TMEM243: variants seen among roughly 807,000 people sequenced by gnomAD.
The protein encoded by TMEM243 is MDR1 and mitochondrial taxol resistance associated.
A neutral mutation model predicts 15.0 loss-of-function variants in TMEM243; 20 were observed. The observed-to-expected ratio is 1.33, with a 90% CI of 0.94 to 1.93. TMEM243 has a LOEUF of 1.93. TMEM243 is among the 30% of genes most tolerant of loss of function. TMEM243 has a pLI of 0.00. For missense variants in TMEM243, 156 were observed against 142.1 expected (o/e 1.10, Z -0.50); for synonymous variants, 72 against 52.7 (o/e 1.37, Z -1.59).
At chr7:87,200,736 A>C (rs1377161906) in intron 1 of TMEM243, among the ~76,000 whole-genome samples, 1 of 152,208 alleles carries the variant, frequency 6.6e-6, no homozygotes, top group Non-Finnish European at 1.5e-5. Context: ...AGGCTCAGGG[A>C]AACTGAGAAC....
chr7:87,203,608 A>T (rs1240690789), intron 1 of TMEM243, among the ~76,000 whole-genome samples: 1 of 125,156 alleles, frequency 8.0e-6, no homozygotes, highest in Admixed American at 7.7e-5. Context: ...TGAGAATCTT[A>T]AAAAAAAAAA....
At chr7:87,197,863 C>T in intron 3 of TMEM243, 78 bp downstream of exon 3, 1 of 1,604,218 alleles carries the variant, frequency 6.2e-7, no homozygotes, top group African/African-American at 1.3e-5. Flanking sequence ...TTGTATAGAC[C>T]CAAGGCTGAA....
chr7:87,219,463 A>G lies in TMEM243; in HGVS notation c.41T>C (p.Leu14Pro). ...FATRTYGTSGLDNRPLFGETS... is the reference protein window; with the variant it reads ...FATRTYGTSGPDNRPLFGETS... ...CTCCCCAAACAGAGGTCTGTTGTCCAGGCCACTGGTGCCGTAGGTCCTGGT... is the reference window on the plus strand; with the variant it reads ...CTCCCCAAACAGAGGTCTGTTGTCCGGGCCACTGGTGCCGTAGGTCCTGGT... The change falls in exon 1 of 4, where the codon CTG becomes CCG. Residue 14 changes from leucine (L) to proline (P), a missense_variant. Leu to Pro is a moderately conservative substitution (Grantham distance 98). Transcript: ENST00000257637. The G allele has an allele frequency of 6.2e-7, 1 of 1,614,244 alleles. No individual in the cohort carries two copies. Among genetic ancestry groups the G allele is most frequent in the Non-Finnish European group, 8.5e-7 (1 of 1,180,024 alleles).
At chr7:87,205,628 A>AC (rs1477148505) in intron 1 of TMEM243, among the ~76,000 whole-genome samples, 1 of 152,126 alleles carries the variant, frequency 6.6e-6, no homozygotes, top group African/African-American at 2.4e-5. Flanking sequence ...AACAAGAGTC[A>AC]CCTTTACTCC....
chr7:87,204,496 A>C (rs1191591143), intron 1 of TMEM243, among the ~76,000 whole-genome samples: 1 of 152,130 alleles, frequency 6.6e-6, no homozygotes, highest in South Asian at 2.1e-4. Flanking sequence ...TTCCTAGATA[A>C]AATGGGGGTA....
At chr7:87,201,258 C>T (rs1285247485) in intron 1 of TMEM243, among the ~76,000 whole-genome samples, 1 of 152,218 alleles carries the variant, frequency 6.6e-6, no homozygotes, top group Non-Finnish European at 1.5e-5. Flanking sequence ...AGCCCTCCTA[C>T]TTCTAATGCT....
chr7:87,202,750 A>AC (rs762127617), intron 1 of TMEM243, among the ~76,000 whole-genome samples: 3 of 152,220 alleles, frequency 2.0e-5, no homozygotes, highest in Non-Finnish European at 4.4e-5. Context: ...CGGTCTAGAA[A>AC]CCAAGGTTCT....
intron 1 of TMEM243, among the ~76,000 whole-genome samples, chr7:87,204,077 G>T (rs1802024565): frequency 6.6e-6 from 1 of 152,158 alleles, no homozygotes; most frequent in Admixed American, 6.5e-5. Context: ...ACAGTGATAG[G>T]CACGTCTTAC....
chr7:87,218,989 T>C (rs984271389), intron 1 of TMEM243, among the ~76,000 whole-genome samples: 6 of 152,066 alleles, frequency 3.9e-5, no homozygotes, highest in Non-Finnish European at 5.9e-5. Flanking sequence ...CTTGGCTGCT[T>C]CACTGCTCAG....
At chr7:87,198,658 A>C (rs1265867511) in intron 2 of TMEM243, 2 of 310,478 alleles carry the variant, frequency 6.4e-6, no homozygotes, top group Non-Finnish European at 1.2e-5. Context: ...AATCTTTTAA[A>C]ACTTGACCAA....
intron 1 of TMEM243, among the ~76,000 whole-genome samples, chr7:87,204,684 CCT>C (rs1205469573): frequency 6.6e-6 from 1 of 152,198 alleles, no homozygotes; most frequent in Non-Finnish European, 1.5e-5. Flanking sequence ...TGGCTCTGCC[CCT>C]GTGGCTTTGC....
chr7:87,212,245 G>C (rs1337678950), intron 1 of TMEM243, among the ~76,000 whole-genome samples: 1 of 152,160 alleles, frequency 6.6e-6, no homozygotes, highest in African/African-American at 2.4e-5. Flanking sequence ...ACCAATGAGA[G>C]ATCAGGCTCC....
intron 1 of TMEM243, among the ~76,000 whole-genome samples, chr7:87,210,622 C>T (rs1487677039): frequency 6.6e-6 from 1 of 152,224 alleles, no homozygotes; most frequent in Non-Finnish European, 1.5e-5. Flanking sequence ...TCCAAAATAA[C>T]CTCCTTTGGC....
At chr7:87,210,115 T>C (rs1263099000) in intron 1 of TMEM243, among the ~76,000 whole-genome samples, 1 of 151,708 alleles carries the variant, frequency 6.6e-6, no homozygotes, top group Non-Finnish European at 1.5e-5. Flanking sequence ...AACTGCCACA[T>C]GCATTTAAAC....
At position 87,197,933 on chromosome 7, in the gene TMEM243, G is replaced by GTACT. The variant is rs1306971504; in HGVS notation, c.234+4_234+7dup. On this transcript the variant is annotated splice_region_variant and intron_variant, in intron 3 of 3. Transcript: ENST00000257637. ...AAGAACACTGTTTAAATTCTCAACAGTACTTACAAGTATGCAGGCAGTAAT... is the reference window on the plus strand; with the variant it reads ...AAGAACACTGTTTAAATTCTCAACAGTACTTACTTACAAGTATGCAGGCAGTAAT... 2 of 1,612,808 alleles carry GTACT rather than the reference G, an allele frequency of 1.2e-6. No individual in the cohort carries two copies. Among genetic ancestry groups the GTACT allele is most frequent in the Non-Finnish European group, 8.5e-7 (1 of 1,179,334 alleles).
At chr7:87,203,654 G>T (rs746473531) in intron 1 of TMEM243, among the ~76,000 whole-genome samples, 2 of 149,984 alleles carry the variant, frequency 1.3e-5, no homozygotes, top group Non-Finnish European at 3.0e-5. Context: ...TCATTTAAAC[G>T]CAAATGTTTG....
intron 1 of TMEM243, among the ~76,000 whole-genome samples, chr7:87,202,311 T>C (rs1801877034): frequency 6.6e-6 from 1 of 152,028 alleles, no homozygotes; most frequent in Non-Finnish European, 1.5e-5. Context: ...AAAGGAAAGA[T>C]GGTTCATGAA....
chr7:87,208,508 T>G (rs1802388055), intron 1 of TMEM243, among the ~76,000 whole-genome samples: 1 of 152,190 alleles, frequency 6.6e-6, no homozygotes, highest in Admixed American at 6.5e-5. Flanking sequence ...GATACTTTCT[T>G]TGAAAACCCA....
chr7:87,202,413 G>C (rs555417368), intron 1 of TMEM243, among the ~76,000 whole-genome samples: 2 of 152,230 alleles, frequency 1.3e-5, no homozygotes. Context: ...AGTTTCATGA[G>C]AGCTGAGAGG....
Sources: gnomAD v4.1 joint callset for allele counts (sites outside exome capture counted in the v4.1 genomes callset) on GRCh38, gnomAD v4.1.1 for gene constraint, MANE v1.5 for transcripts, NCBI Gene and HGNC (gene_info 2026-07-23, HGNC 2026-07-21) for gene names.